Variants in ABI1 observed in about 807,000 individuals in gnomAD.
ABI1 encodes abl interactor 1.
In ABI1, 14 loss-of-function variants were observed where a neutral mutation model predicts 54.6. The ratio of observed to expected loss-of-function variants is 0.26; its 90% CI spans 0.17 to 0.40. The LOEUF (loss-of-function observed/expected upper bound fraction) is 0.40. Ranked by LOEUF, ABI1 falls within the 10% of genes least tolerant of loss-of-function variation. The pLI is 1.00. For synonymous variants in ABI1, 194 were observed against 209.3 expected, an observed-to-expected ratio of 0.93 and a Z score of 0.63; for missense variants, 443 against 598.3, an observed-to-expected ratio of 0.74 and a Z score of 2.71.
At chr10:26,794,487 G>A (rs929639620) in intron 2 of ABI1, among the ~76,000 whole-genome samples, 1 of 151,700 alleles carries the variant, frequency 6.6e-6, no homozygotes, top group African/African-American at 2.4e-5. Flanking sequence ...TTGAGTTCAG[G>A]AACCAAACTG....
At chr10:26,825,408 C>A (rs1309104401) in intron 1 of ABI1, among the ~76,000 whole-genome samples, 1 of 152,120 alleles carries the variant, frequency 6.6e-6, no homozygotes, top group Non-Finnish European at 1.5e-5. Flanking sequence ...CGCCTGTAAT[C>A]CCAGCACTTT....
intron 6 of ABI1, 109 bp from the exon 7 acceptor site, chr10:26,765,427 C>T (rs983918124): frequency 2.6e-6 from 2 of 765,868 alleles, no homozygotes; most frequent in East Asian, 2.9e-5. Context: ...TATAGTCATC[C>T]CTCAGTATCC....
At chr10:26,831,447 G>C (rs1214218606) in intron 1 of ABI1, among the ~76,000 whole-genome samples, 4 of 152,102 alleles carry the variant, frequency 2.6e-5, no homozygotes, top group African/African-American at 9.7e-5. Flanking sequence ...GGAGGCTGAG[G>C]CGTAAGAATC....
At chr10:26,822,567 AAAAT>A (rs1475151537) in intron 2 of ABI1, among the ~76,000 whole-genome samples, 1 of 152,196 alleles carries the variant, frequency 6.6e-6, no homozygotes, top group Non-Finnish European at 1.5e-5. Flanking sequence ...AATGAATCTC[AAAAT>A]AATTATCCAT....
intron 1 of ABI1, among the ~76,000 whole-genome samples, chr10:26,858,384 G>A (rs1317583184): frequency 6.6e-6 from 1 of 151,556 alleles, no homozygotes; most frequent in Non-Finnish European, 1.5e-5. Context: ...GGCAACTAGT[G>A]GCCTGGATCA....
intron 1 of ABI1, among the ~76,000 whole-genome samples, chr10:26,853,464 T>C (rs2050567501): frequency 1.3e-5 from 2 of 151,236 alleles, no homozygotes. Flanking sequence ...AGGAAAAATA[T>C]ACAACCTCCC....
At position 26,820,670 on chromosome 10, in the gene ABI1, C is replaced by T. The variant is rs373468297; in HGVS notation, c.285+2468G>A. The stretch of plus-strand genomic sequence containing the variant: ...TGGCGCGATCTCGGCTCACTGCAAC[C>T]TCCGCCTCCCAGGTTGAAGTAATTT... On this transcript the variant is annotated intron_variant, in intron 2 of 10. Coordinates refer to ENST00000376140, the MANE Select transcript of ABI1 (RefSeq NM_001012750.3). Among the ~76,000 whole-genome samples, 28 of 151,384 alleles carry T rather than the reference C, an allele frequency of 1.8e-4. No homozygotes were observed. The East Asian group carries it at 5.5e-3, about 30-fold the overall frequency.
chr10:26,778,952 G>C (rs1439150538), intron 2 of ABI1, among the ~76,000 whole-genome samples: 1 of 152,100 alleles, frequency 6.6e-6, no homozygotes, highest in Non-Finnish European at 1.5e-5. Flanking sequence ...GGAAACTGGG[G>C]CTGTTTTCTA....
intron 2 of ABI1, among the ~76,000 whole-genome samples, chr10:26,806,503 G>A (rs897172455): frequency 6.6e-6 from 1 of 152,184 alleles, no homozygotes; most frequent in Admixed American, 6.5e-5. Context: ...TGGGTGTCAA[G>A]AGGCAGTTGA....
At chr10:26,758,621 A>G (rs550310180) in intron 8 of ABI1, among the ~76,000 whole-genome samples, 233 of 152,338 alleles carry the variant, frequency 1.5e-3, no homozygotes, top group African/African-American at 5.1e-3. Flanking sequence ...GAACACGTTA[A>G]TGACCTTAAA....
intron 1 of ABI1, among the ~76,000 whole-genome samples, chr10:26,836,364 C>T (rs1282413405): frequency 6.6e-6 from 1 of 152,140 alleles, no homozygotes; most frequent in Non-Finnish European, 1.5e-5. Context: ...CCACCTGCCT[C>T]AGCCTCCCAA....
At chr10:26,825,053 T>C (rs1456221678) in intron 1 of ABI1, among the ~76,000 whole-genome samples, 3 of 152,212 alleles carry the variant, frequency 2.0e-5, no homozygotes, top group African/African-American at 7.2e-5. Flanking sequence ...TTTGCCTCCA[T>C]ATTGATGGCT....
chr10:26,781,449 G>C (rs1285889089), intron 2 of ABI1, among the ~76,000 whole-genome samples: 1 of 152,204 alleles, frequency 6.6e-6, no homozygotes, highest in Non-Finnish European at 1.5e-5. Flanking sequence ...GATTCACAGA[G>C]GTTCCCTAAA....
intron 10 of ABI1, 47 bp downstream of exon 10, chr10:26,751,551 A>C: frequency 6.4e-7 from 1 of 1,562,820 alleles, no homozygotes; most frequent in Admixed American, 1.9e-5. Context: ...CTAAATTTCT[A>C]CAATTAGGTT....
intron 1 of ABI1, among the ~76,000 whole-genome samples, chr10:26,845,459 A>G (rs1474892310): frequency 6.6e-6 from 1 of 152,014 alleles, no homozygotes; most frequent in East Asian, 1.9e-4. Context: ...CCTGACCAAT[A>G]TGATGAAACC....
chr10:26,802,130 A>C (rs1214238566), intron 2 of ABI1, among the ~76,000 whole-genome samples: 2 of 152,234 alleles, frequency 1.3e-5, no homozygotes, highest in African/African-American at 4.8e-5. Context: ...ATGTCAAGAC[A>C]CTAACATGGG....
intron 7 of ABI1, among the ~76,000 whole-genome samples, chr10:26,761,032 T>C (rs369261461): frequency 6.6e-6 from 1 of 150,816 alleles, no homozygotes; most frequent in African/African-American, 2.4e-5. Context: ...AGCCTCAACC[T>C]CCTGGACTCA....
chr10:26,798,258 G>A (rs1844440575), intron 2 of ABI1, among the ~76,000 whole-genome samples: 1 of 151,736 alleles, frequency 6.6e-6, no homozygotes, highest in African/African-American at 2.4e-5. Context: ...ATAGCAAAAG[G>A]GACTTTGCAG....
intron 1 of ABI1, among the ~76,000 whole-genome samples, chr10:26,852,774 G>A (rs931781760): frequency 3.3e-5 from 5 of 151,832 alleles, no homozygotes; most frequent in African/African-American, 1.2e-4. Flanking sequence ...TTTCAAAAAT[G>A]TGTTTTTGCT....
Sources: gnomAD v4.1 joint callset for allele counts (sites outside exome capture counted in the v4.1 genomes callset) on GRCh38, gnomAD v4.1.1 for gene constraint, MANE v1.5 for transcripts, NCBI Gene and HGNC (gene_info 2026-07-23, HGNC 2026-07-21) for gene names.